SH3BGRL2: variants seen among roughly 807,000 people sequenced by gnomAD.
SH3BGRL2 encodes the protein SH3 domain binding glutamate rich protein like 2.
Under a neutral mutation model 14.8 loss-of-function variants are expected in SH3BGRL2, and 21 were observed. The ratio of observed to expected loss-of-function variants is 1.42; its 90% CI spans 1.01 to 2.05. The LOEUF is 2.05. Ranked by LOEUF, SH3BGRL2 falls within the 30% of genes most tolerant of loss-of-function variation. The probability of loss-of-function intolerance (pLI) is 0.00; values close to 1 mark genes in which losing one functional copy is unlikely to be tolerated. For synonymous variants in SH3BGRL2, 50 were observed against 47.8 expected (o/e 1.05, Z -0.19); for missense variants, 147 against 130.8 (o/e 1.12, Z -0.61).
chr6:79,590,699 T>TG, the SH3BGRL2 span, among the ~76,000 whole-genome samples: 3 of 151,574 alleles, frequency 2.0e-5, no homozygotes, highest in Non-Finnish European at 4.4e-5. Context: ...ATGTGGAATG[T>TG]GGGGGAAAAA....
chr6:79,638,754 GCTAT>G (rs1245472057), intron 1 of SH3BGRL2, among the ~76,000 whole-genome samples: 1 of 152,006 alleles, frequency 6.6e-6, no homozygotes, highest in African/African-American at 2.4e-5. Flanking sequence ...TCTTTTGAGA[GCTAT>G]CTGTTTAGAT....
intron 1 of SH3BGRL2, among the ~76,000 whole-genome samples, chr6:79,652,842 T>C (rs1769323267): frequency 6.6e-6 from 1 of 152,174 alleles, no homozygotes. Context: ...TTAAGTTTAT[T>C]ACAAACATTA....
chr6:79,698,012 C>G (rs1158120188), intron 3 of SH3BGRL2, among the ~76,000 whole-genome samples: 1 of 152,156 alleles, frequency 6.6e-6, no homozygotes, highest in Non-Finnish European at 1.5e-5. Context: ...ATGAAATATA[C>G]ATTCTCACAT....
rs1770411830 is a variant in SH3BGRL2 at position 79,699,615 on chromosome 6, C to A, written c.*106C>A. 2.2e-6 allele frequency: 3 copies of A among 1,356,358 alleles called. No individual in the cohort carries two copies. Among genetic ancestry groups the A allele is most frequent in the South Asian group, 2.0e-5 (1 of 49,850 alleles). The allele number at this position is 1,356,358 out of a possible 1,614,324, so 84.0% of individuals were successfully genotyped here. A position where few individuals can be genotyped will look rare whatever the true frequency, so the allele number is the denominator to read the frequency against. ...CTGTGACAAAAGCCACACGCATTAT[C>A]AGTAACTTTGCTTGCCACGGAAAAG... is the stretch of plus-strand genomic sequence containing the variant. On this transcript the variant is annotated 3_prime_UTR_variant, in exon 4 of 4. Coordinates refer to ENST00000369838, the MANE Select transcript of SH3BGRL2 (RefSeq NM_031469.4).
the SH3BGRL2 span, among the ~76,000 whole-genome samples, chr6:79,611,322 TG>T: frequency 1.3e-5 from 2 of 152,318 alleles, no homozygotes; most frequent in Admixed American, 1.3e-4. Flanking sequence ...TTGCTATTTT[TG>T]TTATTAATGA....
At chr6:79,683,144 C>G (rs1028589463) in intron 2 of SH3BGRL2, among the ~76,000 whole-genome samples, 1 of 151,968 alleles carries the variant, frequency 6.6e-6, no homozygotes, top group Admixed American at 6.6e-5. Flanking sequence ...ACATGTATAC[C>G]TATGTATCAA....
intron 1 of SH3BGRL2, among the ~76,000 whole-genome samples, chr6:79,672,521 A>T (rs894184219): frequency 4.6e-5 from 7 of 152,164 alleles, no homozygotes; most frequent in Non-Finnish European, 1.0e-4. Flanking sequence ...TTAACAGTAC[A>T]TACAGAGCTT....
chr6:79,573,431 C>T, the SH3BGRL2 span, among the ~76,000 whole-genome samples: 3 of 151,988 alleles, frequency 2.0e-5, no homozygotes, highest in South Asian at 6.2e-4. Flanking sequence ...GGATGAGGTC[C>T]CACTTTGTAG....
the SH3BGRL2 span, among the ~76,000 whole-genome samples, chr6:79,608,006 C>T: frequency 3.3e-5 from 5 of 152,130 alleles, no homozygotes; most frequent in African/African-American, 1.2e-4. Context: ...GTACAGGAAG[C>T]ATGGCTGGTG....
At chr6:79,638,026 G>A (rs1768960781) in intron 1 of SH3BGRL2, among the ~76,000 whole-genome samples, 1 of 151,834 alleles carries the variant, frequency 6.6e-6, no homozygotes, top group Admixed American at 6.6e-5. Context: ...ATATTTATGG[G>A]GTATCTAGTG....
At chr6:79,572,259 C>T in the SH3BGRL2 span, among the ~76,000 whole-genome samples, 3 of 152,140 alleles carry the variant, frequency 2.0e-5, no homozygotes, top group South Asian at 2.1e-4. Flanking sequence ...CTGATGATAT[C>T]GTTGTATACA....
At chr6:79,550,543 T>A in the SH3BGRL2 span, among the ~76,000 whole-genome samples, 1 of 152,156 alleles carries the variant, frequency 6.6e-6, no homozygotes, top group Non-Finnish European at 1.5e-5. Flanking sequence ...AAAAGATCAC[T>A]GCTTCCTGGT....
At chr6:79,608,697 T>C in the SH3BGRL2 span, among the ~76,000 whole-genome samples, 1 of 152,198 alleles carries the variant, frequency 6.6e-6, no homozygotes, top group Non-Finnish European at 1.5e-5. Flanking sequence ...TTTTGTTGCA[T>C]GTTTTTCAGA....
the SH3BGRL2 span, among the ~76,000 whole-genome samples, chr6:79,567,911 T>C: frequency 6.6e-6 from 1 of 152,044 alleles, no homozygotes; most frequent in Non-Finnish European, 1.5e-5. Flanking sequence ...CAGAAACCAA[T>C]AGGAAATGGG....
intron 2 of SH3BGRL2, among the ~76,000 whole-genome samples, chr6:79,683,704 C>T (rs561644314): frequency 6.2e-4 from 94 of 152,310 alleles, no homozygotes; most frequent in Non-Finnish European, 8.7e-4. Flanking sequence ...GCCTTGGCCT[C>T]CCAAAGTGCT....
At chr6:79,618,866 G>A in the SH3BGRL2 span, among the ~76,000 whole-genome samples, 14 of 128,684 alleles carry the variant, frequency 1.1e-4, no homozygotes, top group African/African-American at 3.5e-4. Flanking sequence ...GCAGTGATCC[G>A]AGAATGCCCC....
chr6:79,681,965 A>AT (rs1769996704), intron 2 of SH3BGRL2, among the ~76,000 whole-genome samples: 1 of 150,424 alleles, frequency 6.6e-6, no homozygotes, highest in Admixed American at 6.7e-5. Flanking sequence ...AAAAAAAAAA[A>AT]TTTCACTTTA....
At chr6:79,654,817 C>T (rs918134020) in intron 1 of SH3BGRL2, among the ~76,000 whole-genome samples, 1 of 152,022 alleles carries the variant, frequency 6.6e-6, no homozygotes, top group Non-Finnish European at 1.5e-5. Context: ...AAGGTTTGAT[C>T]CCTTTTACTT....
the SH3BGRL2 span, among the ~76,000 whole-genome samples, chr6:79,559,007 C>T: frequency 6.6e-6 from 1 of 152,272 alleles, no homozygotes; most frequent in Non-Finnish European, 1.5e-5. Context: ...CTGGTCAAAT[C>T]TGGGACAATT....
Sources: gnomAD v4.1 joint callset for allele counts (sites outside exome capture counted in the v4.1 genomes callset) on GRCh38, gnomAD v4.1.1 for gene constraint, MANE v1.5 for transcripts, NCBI Gene and HGNC (gene_info 2026-07-23, HGNC 2026-07-21) for gene names.